The following CLVS1 variants were observed in gnomAD, a reference collection of about 807,000 sequenced individuals.
The protein encoded by CLVS1 is clavesin-1.
A neutral mutation model predicts 33.1 loss-of-function variants in CLVS1; 10 were observed. The observed-to-expected ratio is 0.30, with a 90% CI of 0.19 to 0.51. The LOEUF is 0.51. CLVS1 is among the 20% of genes least tolerant of loss of function. CLVS1 has a pLI of 0.97. For missense variants in CLVS1, 343 were observed against 433.4 expected (o/e 0.79, Z 1.85); for synonymous variants, 163 against 166.1 (o/e 0.98, Z 0.14).
intron 2 of CLVS1, among the ~76,000 whole-genome samples, chr8:61,235,347 A>G (rs767081779): frequency 3.9e-5 from 6 of 152,190 alleles, no homozygotes; most frequent in Non-Finnish European, 7.3e-5. Flanking sequence ...CTACATGGAA[A>G]TGCTTTAAAA....
intron 1 of CLVS1, among the ~76,000 whole-genome samples, chr8:61,126,937 C>T (rs549875021): frequency 3.3e-5 from 5 of 152,324 alleles, no homozygotes; most frequent in East Asian, 1.9e-4. Context: ...AAATATCCAT[C>T]GTCAACCAAT....
At chr8:61,469,838 T>A (rs1817676116) in intron 5 of CLVS1, among the ~76,000 whole-genome samples, 1 of 152,242 alleles carries the variant, frequency 6.6e-6, no homozygotes, top group Non-Finnish European at 1.5e-5. Context: ...CATTTCTTAA[T>A]GAATGATCCG....
chr8:61,472,372 G>T lies in CLVS1; in HGVS notation c.977+13830G>T, dbSNP rs369209303. Among the ~76,000 whole-genome samples, 132 of 151,872 alleles carry T rather than the reference G, an allele frequency of 8.7e-4. No homozygotes were observed. In the Middle Eastern group the frequency reaches 0.01, roughly 12 times the overall value. ...AGGAAAGAAGGTAAAAAAGACATGG[G>T]GGGAGGAGAAGGAGGGAAACAAAAA... On this transcript the variant is annotated intron_variant, in intron 5 of 5. Transcript: ENST00000325897.
rs1024031943 is a variant in CLVS1, at chr8:61,171,567, T to C, written c.-152+39707T>C. ...TCTCTTTGTTCACTCCAACTCTCCA[T>C]ATGGCTTCGCTGACAGTAGCAGAGG... is the stretch of plus-strand genomic sequence containing the variant. On this transcript the variant is annotated intron_variant, in intron 2 of 2. Coordinates refer to the CLVS1 transcript ENST00000522621. Among the ~76,000 whole-genome samples the C allele has an allele frequency of 8.5e-5, 13 of 152,182 alleles. 1 individual carries two copies. Among genetic ancestry groups the C allele is most frequent in the Non-Finnish European group, 2.9e-5 (2 of 68,022 alleles).
the CLVS1 span, among the ~76,000 whole-genome samples, chr8:61,020,000 A>G: frequency 6.6e-6 from 1 of 152,336 alleles, no homozygotes; most frequent in Admixed American, 6.5e-5. Context: ...GGTGGCCAAC[A>G]ATGAATGGCC....
chr8:61,114,058 A>G (rs1257632789), intron 1 of CLVS1, among the ~76,000 whole-genome samples: 1 of 152,280 alleles, frequency 6.6e-6, no homozygotes, highest in Non-Finnish European at 1.5e-5. Flanking sequence ...AAGCAACCAC[A>G]GATGATATGT....
At chr8:61,213,601 AC>A (rs1808017241) in intron 2 of CLVS1, among the ~76,000 whole-genome samples, 1 of 152,048 alleles carries the variant, frequency 6.6e-6, no homozygotes, top group Admixed American at 6.5e-5. Flanking sequence ...TTTCATGGAC[AC>A]TTATCACTTC....
the CLVS1 span, among the ~76,000 whole-genome samples, chr8:61,038,808 G>A: frequency 6.6e-6 from 1 of 152,102 alleles, no homozygotes; most frequent in Non-Finnish European, 1.5e-5. Flanking sequence ...GTGAACCGAA[G>A]GTCCTTTTGT....
chr8:61,365,752 A>AGG (rs1201011075), intron 2 of CLVS1, among the ~76,000 whole-genome samples: 1,709 of 125,518 alleles, frequency 0.014, 28 homozygotes, highest in African/African-American at 0.043. Flanking sequence ...GCCAGTTTAC[A>AGG]GGGTGTGTGT....
intron 2 of CLVS1, among the ~76,000 whole-genome samples, chr8:61,367,795 TTGCCTCCCA>T (rs1316277706): frequency 6.6e-6 from 1 of 152,338 alleles, no homozygotes; most frequent in African/African-American, 2.4e-5. Flanking sequence ...TAAATCCTCA[TTGCCTCCCA>T]TGTACATATA....
At chr8:61,426,729 C>G (rs533736812) in intron 3 of CLVS1, among the ~76,000 whole-genome samples, 1 of 152,316 alleles carries the variant, frequency 6.6e-6, no homozygotes, top group South Asian at 2.1e-4. Context: ...GACAGCAACC[C>G]TCTTCTGTGC....
intron 3 of CLVS1, among the ~76,000 whole-genome samples, chr8:61,387,770 G>A (rs563475803): frequency 1.3e-5 from 2 of 152,218 alleles, no homozygotes; most frequent in South Asian, 2.1e-4. Flanking sequence ...TAGAATAATG[G>A]TCTTTAATTC....
intron 2 of CLVS1, among the ~76,000 whole-genome samples, chr8:61,152,272 T>C (rs1273747530): frequency 2.0e-5 from 3 of 152,170 alleles, no homozygotes. Context: ...GAGCACAAGA[T>C]TGCTCTTGTA....
At chr8:61,031,381 G>A in the CLVS1 span, among the ~76,000 whole-genome samples, 5 of 152,080 alleles carry the variant, frequency 3.3e-5, no homozygotes, top group South Asian at 4.1e-4. Context: ...CCCCGGCAGC[G>A]AACCGTTCCC....
chr8:61,304,660 G>C (rs139593606), intron 2 of CLVS1, among the ~76,000 whole-genome samples: 1 of 152,226 alleles, frequency 6.6e-6, no homozygotes, highest in East Asian at 1.9e-4. Context: ...TTTAAGATCT[G>C]ATGAAAAACA....
chr8:61,161,442 G>A (rs72654660), intron 2 of CLVS1, among the ~76,000 whole-genome samples: 15,312 of 152,112 alleles, frequency 0.1, 1,302 homozygotes, highest in African/African-American at 0.23. Context: ...GAATGTATGA[G>A]GCAAATGTTG....
intron 2 of CLVS1, among the ~76,000 whole-genome samples, chr8:61,215,682 ATGTGTGTGTGTGTGTGTGTGTGTG>A (rs72193127): frequency 1.4e-5 from 2 of 143,728 alleles, no homozygotes; most frequent in South Asian, 2.3e-4. Context: ...GAAATTGAAA[ATGTGTGTGTGTGTGTGTGTGTGTG>A]TGTGTGTGTG....
the CLVS1 span, among the ~76,000 whole-genome samples, chr8:61,011,852 T>C: frequency 3.9e-5 from 6 of 152,152 alleles, no homozygotes; most frequent in Non-Finnish European, 5.9e-5. Context: ...AACAAAGTAA[T>C]TGGGTGTTGG....
At chr8:61,150,153 G>A (rs1053769620) in intron 2 of CLVS1, among the ~76,000 whole-genome samples, 7 of 142,972 alleles carry the variant, frequency 4.9e-5, no homozygotes, top group Admixed American at 2.1e-4. Context: ...GGATGGACTC[G>A]ACCTGGTGCA....
Sources: gnomAD v4.1 joint callset for allele counts (sites outside exome capture counted in the v4.1 genomes callset) on GRCh38, gnomAD v4.1.1 for gene constraint, MANE v1.5 for transcripts, NCBI Gene and HGNC (gene_info 2026-07-23, HGNC 2026-07-21) for gene names.